The following SPTBN4 variants were observed in gnomAD, a reference collection of about 807,000 sequenced individuals.
SPTBN4 encodes the protein spectrin beta, non-erythrocytic 4.
In SPTBN4, 96 loss-of-function variants were observed where a neutral mutation model predicts 277.8. The observed-to-expected ratio is 0.35, with a 90% CI of 0.29 to 0.41. The LOEUF is 0.41. SPTBN4 is among the 10% of genes least tolerant of loss of function. The probability of loss-of-function intolerance (pLI) is 1.00; values close to 1 mark genes in which losing one functional copy is unlikely to be tolerated. For missense variants in SPTBN4, 3,006 were observed against 3,595.7 expected (o/e 0.84, Z 4.19); for synonymous variants, 1,481 against 1,580.3 (o/e 0.94, Z 1.49).
chr19:40,570,410 C>A (rs755132949), intron 32 of SPTBN4, 26 bp from the exon 33 acceptor site: 27 of 1,535,596 alleles, frequency 1.8e-5, no homozygotes, highest in Non-Finnish European at 2.1e-5. Flanking sequence ...ATGGACAGCA[C>A]CCCTCTTCCC....
chr19:40,484,810 T>C (rs565404735), intron 2 of SPTBN4, among the ~76,000 whole-genome samples: 139 of 151,698 alleles, frequency 9.2e-4, no homozygotes, highest in Admixed American at 1.6e-3. Flanking sequence ...CAGGTACCTG[T>C]AGTCCCAGCT....
rs1417354913 is a variant in SPTBN4, at chr19:40,520,161, C to T, written c.3654+10C>T. The T allele has an allele frequency of 1.5e-6, 2 of 1,342,794 alleles. No homozygotes were observed. The highest frequency in any genetic ancestry group is 3.3e-5 in the Admixed American group (1 of 30,564). 83.2% of individuals were successfully genotyped at this position (1,342,794 alleles called of 1,614,324 possible). A position where few individuals can be genotyped will look rare whatever the true frequency, so the allele number is the denominator to read the frequency against. On this transcript the variant is annotated intron_variant, in intron 16 of 35. Transcript: ENST00000598249. ...GGTGCTGCGTAACCAGGTGCCCACT[C>T]GGGGTGTACATTTCGGAGAGGGAGA... is the stretch of plus-strand genomic sequence containing the variant.
chr19:40,568,557 C>T (rs1326819962), intron 31 of SPTBN4, among the ~76,000 whole-genome samples: 1 of 152,238 alleles, frequency 6.6e-6, no homozygotes, highest in Admixed American at 6.5e-5. Flanking sequence ...ACTCCTGCAT[C>T]AAGTCTCCCG....
At chr19:40,559,210 A>G (rs1016227228) in intron 26 of SPTBN4, among the ~76,000 whole-genome samples, 3 of 152,042 alleles carry the variant, frequency 2.0e-5, no homozygotes, top group Non-Finnish European at 2.9e-5. Flanking sequence ...GGTTATAGGC[A>G]TGAGCCACCG....
At chr19:40,506,426 T>A in intron 13 of SPTBN4, 40 bp downstream of exon 13, 5 of 1,584,224 alleles carry the variant, frequency 3.2e-6, no homozygotes, top group Non-Finnish European at 4.3e-6. Flanking sequence ...GGGTGGAGAC[T>A]GTCAGGACTG....
chr19:40,467,633 G>GA (rs1451145780), intron 1 of SPTBN4, among the ~76,000 whole-genome samples: 2 of 151,922 alleles, frequency 1.3e-5, no homozygotes, highest in African/African-American at 4.8e-5. Context: ...CGGGGGGGGG[G>GA]GGGTGTTGGG....
In SPTBN4 at chr19:40,529,115, T is replaced by G; in HGVS notation, c.3932T>G (p.Leu1311Arg). The change falls in exon 18 of 36, where the codon CTC (leucine) becomes CGC (arginine). Residue 1311 changes from leucine to arginine, a missense_variant. Around this residue, in one of 5 missense-constraint regions of SPTBN4, gnomAD observed 1,759 missense variants for 2,061.5 expected, o/e 0.85. Coordinates refer to ENST00000598249, the MANE Select transcript of SPTBN4 (RefSeq NM_020971.3). ...GACCAACTTGAGCTGCAGCACTTCC[T>G]CCGAGACTGCCACGAGGTAGGAACT... is the stretch of plus-strand genomic sequence containing the variant. ...LHDQLELQHF[L>R]RDCHELDGWI... The G allele has an allele frequency of 6.2e-7, 1 of 1,613,940 alleles. No homozygotes were observed. Among genetic ancestry groups the G allele is most frequent in the African/African-American group, 1.3e-5 (1 of 75,024 alleles).
rs1360924435 is a variant in SPTBN4, at chr19:40,549,315, C to T, written c.4486C>T (p.Arg1496Cys). 1.3e-6 allele frequency: 2 copies of T among 1,538,950 alleles called. No homozygotes were observed. The highest frequency in any genetic ancestry group is 1.7e-6 in the Non-Finnish European group (2 of 1,145,672). ...VGERQNAVGE[R>C]LVRLLEPLQE... Reference sequence around the variant, plus strand: ...TGAGCGGCAGAACGCGGTGGGCGAGCGCCTGGTGCGCCTGCTCGAGCCGTT... The same window carrying T: ...TGAGCGGCAGAACGCGGTGGGCGAGTGCCTGGTGCGCCTGCTCGAGCCGTT... Residue 1496 changes from arginine (R) to cysteine (C), a missense_variant, in exon 21 of 36, where the codon CGC (arginine) becomes TGC (cysteine). Physicochemically the swap from Arg to Cys is radical, Grantham distance 180. Coordinates refer to ENST00000598249, the MANE Select transcript of SPTBN4 (RefSeq NM_020971.3).
At chr19:40,516,921 C>G (rs988891339) in intron 15 of SPTBN4, among the ~76,000 whole-genome samples, 1 of 152,214 alleles carries the variant, frequency 6.6e-6, no homozygotes, top group African/African-American at 2.4e-5. Context: ...GCTACTGCTC[C>G]TAGCCCAGAA....
At chr19:40,517,802 T>C (rs183405609) in intron 15 of SPTBN4, among the ~76,000 whole-genome samples, 1 of 152,290 alleles carries the variant, frequency 6.6e-6, no homozygotes, top group East Asian at 1.9e-4. Flanking sequence ...ATTATCCCCA[T>C]TTTCCAGATG....
intron 7 of SPTBN4, among the ~76,000 whole-genome samples, 168 bp downstream of exon 7, chr19:40,497,772 G>C (rs1424734053): frequency 1.3e-5 from 2 of 150,978 alleles, no homozygotes; most frequent in African/African-American, 4.9e-5. Flanking sequence ...CTCCCCTTGT[G>C]CCTCCCCTTC....
chr19:40,517,245 C>T (rs1262413080), intron 15 of SPTBN4, among the ~76,000 whole-genome samples: 1 of 151,820 alleles, frequency 6.6e-6, no homozygotes, highest in East Asian at 1.9e-4. Context: ...GGGATCAAAC[C>T]GGGCTTTGAA....
Position 40,532,691 on chromosome 19 carries a change from C to T in SPTBN4, c.4015C>T (p.Leu1339=). 1 of 1,613,640 alleles carries T rather than the reference C, an allele frequency of 6.2e-7. No homozygotes were observed. The highest frequency in any genetic ancestry group is 2.2e-5 in the East Asian group (1 of 44,858). ...RDGTREDNHK[L]HKRWLRHQAF... ...TGGCACGCGGGAGGACAACCACAAG[C>T]TGCATAAGAGATGGCTCCGGCACCA... The change falls in exon 19 of 36, where the codon CTG becomes TTG. Residue 1339 remains leucine, a synonymous_variant. Transcript: ENST00000598249.
chr19:40,567,616 G>GCCCCCCCCCACCAAAA, intron 30 of SPTBN4, 47 bp from the exon 31 acceptor site: 1 of 551,354 alleles, frequency 1.8e-6, no homozygotes, highest in Non-Finnish European at 2.8e-6. Context: ...CCCTTACCCC[G>GCCCCCCCCCACCAAAA]CCCCGGCCCC....
intron 3 of SPTBN4, among the ~76,000 whole-genome samples, 184 bp downstream of exon 3, chr19:40,488,032 G>A (rs2080092579): frequency 1.3e-5 from 2 of 152,132 alleles, no homozygotes; most frequent in Admixed American, 6.6e-5. Context: ...CGCTGGGGCG[G>A]AGCTTGGTCG....
chr19:40,515,472 T>A lies in SPTBN4; in HGVS notation c.2903+24T>A. 6.5e-7 allele frequency: 1 copy of A among 1,533,948 alleles called. No individual in the cohort carries two copies. Among genetic ancestry groups the A allele is most frequent in the East Asian group, 2.5e-5 (1 of 40,010 alleles). ...AGGTAGGAGGGCCTGGGGCTGGGAG[T>A]CCCTCCCATCCTTCCCTTCCACACT... On this transcript the variant is annotated intron_variant, in intron 15 of 35. Transcript: ENST00000598249. This position sits in a 1 kb window ranked among gnomAD's most constrained non-coding sequence, Gnocchi z 4.1.
At chr19:40,569,565 G>A (rs2081129686) in intron 31 of SPTBN4, 92 bp from the exon 32 acceptor site, 3 of 1,332,464 alleles carry the variant, frequency 2.3e-6, no homozygotes, top group Admixed American at 4.7e-5. Context: ...GGCACTTCCA[G>A]CTAAGAAGTG....
rs999373103 is a variant in SPTBN4, at chr19:40,467,087, C to G, written c.-234C>G. 3.3e-5 allele frequency: 5 copies of G among 150,142 alleles called. No individual in the cohort carries two copies. The highest frequency in any genetic ancestry group is 1.2e-4 in the African/African-American group (5 of 41,062). The allele number at this position is 150,142 out of a possible 1,614,324, so 9.3% of individuals were successfully genotyped here. A position where few individuals can be genotyped will look rare whatever the true frequency, so the allele number is the denominator to read the frequency against. ...GCCTCGGGCGGCGGGGCGCGGGGAC[C>G]GCGGGCGGGAGGGGGTCCCGGGGGC... is the stretch of plus-strand genomic sequence containing the variant. On this transcript the variant is annotated 5_prime_UTR_variant, in exon 1 of 36. Transcript: ENST00000598249.
In SPTBN4 at chr19:40,557,274, G is replaced by A. The variant is rs772532941; in HGVS notation, c.5541G>A (p.Gln1847=). Residue 1847 remains glutamine, a synonymous_variant, in exon 26 of 36, where the codon CAG becomes CAA. Transcript: ENST00000598249. Reference sequence around the variant, plus strand: ...TCTTCAGTGACGCCCGAGAGCTTCAGGGACAGATTGAGGAGAAGCGGAGGC... The same window carrying A: ...TCTTCAGTGACGCCCGAGAGCTTCAAGGACAGATTGAGGAGAAGCGGAGGC... ...HKFFSDAREL[Q]GQIEEKRRRL... 1 of 1,613,736 alleles carries A rather than the reference G, an allele frequency of 6.2e-7. No individual in the cohort carries two copies. Among genetic ancestry groups the A allele is most frequent in the Non-Finnish European group, 8.5e-7 (1 of 1,179,932 alleles).
Sources: gnomAD v4.1 joint callset for allele counts (sites outside exome capture counted in the v4.1 genomes callset) on GRCh38, gnomAD v4.1.1 for gene constraint, gnomAD v4.1.1 regional missense constraint, Gnocchi (gnomAD v3.1) non-coding constraint, MANE v1.5 for transcripts, NCBI Gene and HGNC (gene_info 2026-07-23, HGNC 2026-07-21) for gene names.